The following CD163L1 variants were observed in gnomAD, a reference collection of about 807,000 sequenced individuals.
The protein encoded by CD163L1 is CD163 molecule like 1.
CD163L1 carries 124 observed loss-of-function variants against 165.4 expected under a neutral mutation model. The ratio of observed to expected loss-of-function variants is 0.75; its 90% CI spans 0.65 to 0.87. The LOEUF (loss-of-function observed/expected upper bound fraction) is 0.87, where lower values mean the gene tolerates loss of function less well. CD163L1 is among the 40% of genes least tolerant of loss of function. CD163L1 has a pLI of 0.00. For missense variants in CD163L1, 1,525 were observed against 1,799.9 expected (o/e 0.85, Z 2.76); for synonymous variants, 585 against 662.2 (o/e 0.88, Z 1.79).
intron 4 of CD163L1, among the ~76,000 whole-genome samples, chr12:7,407,640 G>T (rs1565801020): frequency 6.6e-6 from 1 of 150,792 alleles, no homozygotes. Flanking sequence ...TGAGAATTTG[G>T]ATATATATAT....
chr12:7,419,010 C>T (rs1031390362), intron 4 of CD163L1, among the ~76,000 whole-genome samples: 18 of 151,966 alleles, frequency 1.2e-4, no homozygotes, highest in Non-Finnish European at 2.5e-4. Context: ...GAGAATCCTC[C>T]GTAAATCATC....
chr12:7,423,521 A>T (rs1285550099), intron 4 of CD163L1, among the ~76,000 whole-genome samples: 1 of 152,176 alleles, frequency 6.6e-6, no homozygotes, highest in Non-Finnish European at 1.5e-5. Context: ...AAACCTTCAA[A>T]AAAACAATCA....
chr12:7,336,714 T>C, the CD163L1 span, among the ~76,000 whole-genome samples: 3 of 152,014 alleles, frequency 2.0e-5, no homozygotes, highest in Admixed American at 6.6e-5. Context: ...CATTCCATGC[T>C]CATGCATAGG....
At chr12:7,401,799 T>G (rs779552190) in intron 6 of CD163L1, among the ~76,000 whole-genome samples, 1 of 152,038 alleles carries the variant, frequency 6.6e-6, no homozygotes, top group Non-Finnish European at 1.5e-5. Flanking sequence ...TAGCGTTGCA[T>G]GTGGATTTAA....
chr12:7,351,112 A>G (rs1293077104), downstream of CD163L1, among the ~76,000 whole-genome samples: 1 of 152,098 alleles, frequency 6.6e-6, no homozygotes, highest in Non-Finnish European at 1.5e-5. Flanking sequence ...GTCTTCTTTG[A>G]TCTAATGAAT....
At chr12:7,359,000 A>G (rs1016815153) in intron 18 of CD163L1, among the ~76,000 whole-genome samples, 1 of 152,154 alleles carries the variant, frequency 6.6e-6, no homozygotes, top group African/African-American at 2.4e-5. Context: ...TGAGGAAAAA[A>G]AAATCAGTGA....
chr12:7,365,507 C>G (rs1946995966), intron 18 of CD163L1, among the ~76,000 whole-genome samples: 1 of 151,974 alleles, frequency 6.6e-6, no homozygotes, highest in African/African-American at 2.4e-5. Context: ...TATTTTTAAA[C>G]TATCCAACTA....
intron 7 of CD163L1, among the ~76,000 whole-genome samples, chr12:7,396,885 C>T (rs1947790057): frequency 6.6e-6 from 1 of 152,036 alleles, no homozygotes; most frequent in Admixed American, 6.6e-5. Context: ...GAGAGGCTCA[C>T]GTTCTATTGG....
intron 4 of CD163L1, among the ~76,000 whole-genome samples, chr12:7,411,065 C>A (rs1271075015): frequency 1.3e-5 from 2 of 151,470 alleles, no homozygotes; most frequent in Admixed American, 1.3e-4. Context: ...AGGTGGATGT[C>A]CTTCAGAGAA....
intron 8 of CD163L1, among the ~76,000 whole-genome samples, chr12:7,388,071 C>A (rs773812832): frequency 2.0e-4 from 30 of 152,220 alleles, no homozygotes; most frequent in African/African-American, 7.2e-4. Flanking sequence ...GACTGGATAT[C>A]CACATGAAGA....
chr12:7,323,862 T>C, the CD163L1 span, among the ~76,000 whole-genome samples: 1 of 152,146 alleles, frequency 6.6e-6, no homozygotes, highest in Non-Finnish European at 1.5e-5. Context: ...GTATTTTATA[T>C]TACAAACTAT....
In CD163L1 at chr12:7,374,661, C is replaced by T. The variant is rs763620533; in HGVS notation, c.3190G>A (p.Gly1064Ser). Residue 1064 changes from glycine to serine, a missense_variant, in exon 13 of 20, where the codon GGC becomes AGC. Physicochemically the swap from Gly to Ser is moderately conservative, Grantham distance 56. Coordinates refer to ENST00000313599, the MANE Select transcript of CD163L1 (RefSeq NM_174941.6). This position sits in a 1 kb window ranked among gnomAD's most constrained non-coding sequence, Gnocchi z 5.4. Reference protein sequence around the residue: ...DGFWGTICDDGWDLSDAHVVC... With the variant: ...DGFWGTICDDSWDLSDAHVVC... ...ACGTGGGCATCGCTCAGGTCCCAGC[C>T]GTCATCACAGATGGTGCCCCAGAAG... 8 of 1,614,122 alleles carry T rather than the reference C, an allele frequency of 5.0e-6. No homozygotes were observed. Among genetic ancestry groups the T allele is most frequent in the Middle Eastern group, 1.6e-4 (1 of 6,084 alleles).
At chr12:7,415,734 C>T (rs774435077) in intron 4 of CD163L1, among the ~76,000 whole-genome samples, 9 of 152,250 alleles carry the variant, frequency 5.9e-5, no homozygotes, top group South Asian at 2.1e-4. Flanking sequence ...GCTTCATCCA[C>T]GTCCCTGCAA....
chr12:7,434,540 A>G (rs1369197663), intron 2 of CD163L1, among the ~76,000 whole-genome samples: 1 of 152,188 alleles, frequency 6.6e-6, no homozygotes, highest in Non-Finnish European at 1.5e-5. Context: ...TAAAGCAACC[A>G]TGAGTTTTCA....
At chr12:7,356,710 G>C (rs1946780814) in intron 19 of CD163L1, among the ~76,000 whole-genome samples, 1 of 151,996 alleles carries the variant, frequency 6.6e-6, no homozygotes, top group Non-Finnish European at 1.5e-5. Context: ...ATCATATTTG[G>C]ACCATCCACT....
intron 4 of CD163L1, among the ~76,000 whole-genome samples, chr12:7,430,827 T>G (rs1156485796): frequency 2.0e-5 from 3 of 151,920 alleles, no homozygotes; most frequent in African/African-American, 7.3e-5. Context: ...TGTCTCAATG[T>G]TCTGAGGTGG....
In CD163L1 at chr12:7,379,231, A is replaced by G. The variant is rs2136442540; in HGVS notation, c.2118T>C (p.Asn706=). ...SSRCAGKVEV[N]VQGAVGILCA... ...ACAGAATTCCCACGGCACCCTGGAC[A>G]TTCACCTCAACTTTTCCAGCACACC... The change falls in exon 9 of 20, where the codon AAT becomes AAC. Residue 706 remains asparagine, a synonymous_variant. Coordinates refer to ENST00000313599, the MANE Select transcript of CD163L1 (RefSeq NM_174941.6). 1 of 1,614,154 alleles carries G rather than the reference A, an allele frequency of 6.2e-7. No homozygotes were observed. The highest frequency in any genetic ancestry group is 2.2e-5 in the East Asian group (1 of 44,882).
chr12:7,382,215 C>T (rs1425030600), intron 8 of CD163L1, among the ~76,000 whole-genome samples: 1 of 151,766 alleles, frequency 6.6e-6, no homozygotes, highest in African/African-American at 2.4e-5. Context: ...AGTTGGGTCC[C>T]GTGTTCAGGA....
chr12:7,421,499 G>A (rs111219548), intron 4 of CD163L1, among the ~76,000 whole-genome samples: 61,298 of 88,536 alleles, frequency 0.69, 22,627 homozygotes, highest in Non-Finnish European at 0.8. Context: ...ATACATATAT[G>A]TACATATACA....
Sources: gnomAD v4.1 joint callset for allele counts (sites outside exome capture counted in the v4.1 genomes callset) on GRCh38, gnomAD v4.1.1 for gene constraint, Gnocchi (gnomAD v3.1) non-coding constraint, MANE v1.5 for transcripts, NCBI Gene and HGNC (gene_info 2026-07-23, HGNC 2026-07-21) for gene names.